Variants in SNX13 observed in about 807,000 individuals in gnomAD.
SNX13 encodes sorting nexin 13, also known as sorting nexin-13.
Under a neutral mutation model 133.6 loss-of-function variants are expected in SNX13, and 45 were observed. The observed-to-expected ratio is 0.34, with a 90% CI of 0.27 to 0.43. The LOEUF is 0.43. Among genes scored for constraint, SNX13 ranks in the 20% least tolerant of loss-of-function variants. SNX13 has a pLI of 1.00. For missense variants in SNX13, 1,032 were observed against 1,145.1 expected (o/e 0.90, Z 1.43); for synonymous variants, 414 against 373.9 (o/e 1.11, Z -1.24).
chr7:17,832,471 TA>T, intron 15 of SNX13: 1 of 983,926 alleles, frequency 1.0e-6, no homozygotes, highest in South Asian at 4.7e-5. Flanking sequence ...CTGAGTCACC[TA>T]GCAAATCCAC....
intron 5 of SNX13, among the ~76,000 whole-genome samples, chr7:17,876,721 C>G (rs968241066): frequency 2.6e-5 from 4 of 152,060 alleles, no homozygotes; most frequent in African/African-American, 9.7e-5. Flanking sequence ...ACCTAGTACT[C>G]TATCTCAAAA....
chr7:17,913,728 G>C (rs1367547842), intron 1 of SNX13, among the ~76,000 whole-genome samples: 17 of 94,900 alleles, frequency 1.8e-4, no homozygotes, highest in Admixed American at 1.3e-4. Flanking sequence ...AAATCAAAAA[G>C]CCCGAGCCAA....
intron 3 of SNX13, among the ~76,000 whole-genome samples, chr7:17,891,944 T>C (rs1796674976): frequency 6.6e-6 from 1 of 152,162 alleles, no homozygotes; most frequent in African/African-American, 2.4e-5. Flanking sequence ...TAGTGTTTCA[T>C]GTGAGTCAAA....
chr7:17,794,593 T>C (rs1372523173), intron 25 of SNX13: 1 of 230,224 alleles, frequency 4.3e-6, no homozygotes, highest in Non-Finnish European at 8.5e-6. Context: ...TTAATACCCA[T>C]GTGATACTTA....
intron 18 of SNX13, among the ~76,000 whole-genome samples, chr7:17,817,738 CAT>C (rs764055624): frequency 6.6e-5 from 10 of 151,942 alleles, no homozygotes; most frequent in South Asian, 2.1e-4. Context: ...CTGAACATCA[CAT>C]GTGAAAAAAA....
At chr7:17,825,986 G>A (rs1362042492) in intron 17 of SNX13, 36 bp downstream of exon 17, 4 of 1,357,702 alleles carry the variant, frequency 2.9e-6, no homozygotes, top group Non-Finnish European at 4.0e-6. Context: ...ATAATACATA[G>A]TTTTAATGCA....
chr7:17,875,064 T>C (rs941518279), intron 7 of SNX13, among the ~76,000 whole-genome samples: 2 of 152,148 alleles, frequency 1.3e-5, no homozygotes, highest in Admixed American at 6.5e-5. Context: ...TGGAGTGCAA[T>C]AGCATGATCA....
intron 1 of SNX13, among the ~76,000 whole-genome samples, chr7:17,907,735 TTGATTAAAG>T (rs1798548660): frequency 6.6e-6 from 1 of 152,192 alleles, no homozygotes; most frequent in South Asian, 2.1e-4. Context: ...TACTGCCATT[TTGATTAAAG>T]TTGGGAAAGC....
intron 13 of SNX13, 79 bp from the exon 14 acceptor site, chr7:17,834,944 A>G (rs1788967540): frequency 1.2e-6 from 1 of 818,266 alleles, no homozygotes; most frequent in Non-Finnish European, 1.9e-6. Context: ...TAATAATGGA[A>G]TCATATTATT....
intron 13 of SNX13, among the ~76,000 whole-genome samples, chr7:17,837,721 T>C (rs928092836): frequency 6.6e-6 from 1 of 151,870 alleles, no homozygotes; most frequent in Non-Finnish European, 1.5e-5. Context: ...GGAAAAATGG[T>C]TTTTAAATAG....
chr7:17,881,600 T>C (rs975611258), intron 5 of SNX13: 1 of 152,100 alleles, frequency 6.6e-6, no homozygotes, highest in African/African-American at 2.4e-5. Flanking sequence ...TTTGATCAAC[T>C]GACTCAGACT....
chr7:17,887,738 T>A (rs1032350897), intron 5 of SNX13, among the ~76,000 whole-genome samples: 2 of 152,150 alleles, frequency 1.3e-5, no homozygotes, highest in African/African-American at 4.8e-5. Flanking sequence ...AGTGACATTC[T>A]CTAATTGTTT....
At chr7:17,902,242 G>GT (rs71010277) in intron 1 of SNX13, among the ~76,000 whole-genome samples, 10,822 of 120,048 alleles carry the variant, frequency 0.09, 529 homozygotes, top group South Asian at 0.23. Context: ...TACTGTCATG[G>GT]TTTTTTTTTT....
intron 11 of SNX13, 23 bp from the exon 12 acceptor site, chr7:17,845,717 G>C (rs778565940): frequency 2.5e-5 from 36 of 1,457,568 alleles, no homozygotes; most frequent in Non-Finnish European, 3.3e-5. Context: ...GTGAATATAA[G>C]TTAATATTTT....
intron 1 of SNX13, among the ~76,000 whole-genome samples, chr7:17,918,035 C>G (rs914833323): frequency 5.9e-5 from 9 of 152,042 alleles, no homozygotes; most frequent in African/African-American, 1.9e-4. Flanking sequence ...ACAACATCGA[C>G]AAAAATAAAC....
intron 5 of SNX13, among the ~76,000 whole-genome samples, chr7:17,876,619 A>G (rs907964476): frequency 4.6e-5 from 7 of 151,876 alleles, no homozygotes; most frequent in Admixed American, 1.3e-4. Flanking sequence ...AACTAATTAC[A>G]AGGAAATGGT....
At chr7:17,820,101 T>C (rs1009261359) in intron 18 of SNX13, among the ~76,000 whole-genome samples, 38 of 152,320 alleles carry the variant, frequency 2.5e-4, no homozygotes, top group African/African-American at 9.1e-4. Flanking sequence ...TTTGTCAATA[T>C]GTAAAATAAT....
chr7:17,862,788 C>A (rs2128339149), intron 9 of SNX13, among the ~76,000 whole-genome samples: 1 of 152,260 alleles, frequency 6.6e-6, no homozygotes, highest in African/African-American at 2.4e-5. Flanking sequence ...GGAGGCCGAG[C>A]AAGGTGGCCA....
intron 5 of SNX13, among the ~76,000 whole-genome samples, chr7:17,885,372 T>TA (rs1795869609): frequency 6.6e-6 from 1 of 151,486 alleles, no homozygotes; most frequent in African/African-American, 2.4e-5. Context: ...TGACAATGGA[T>TA]ATAAGGTTTC....
Sources: gnomAD v4.1 joint callset for allele counts (sites outside exome capture counted in the v4.1 genomes callset) on GRCh38, gnomAD v4.1.1 for gene constraint, MANE v1.5 for transcripts, NCBI Gene and HGNC (gene_info 2026-07-23, HGNC 2026-07-21) for gene names.